Variants in SORCS3 observed in about 807,000 individuals in gnomAD.
The protein encoded by SORCS3 is sortilin related VPS10 domain containing receptor 3.
In SORCS3, 57 loss-of-function variants were observed where a neutral mutation model predicts 146.3. The ratio of observed to expected loss-of-function variants is 0.39; its 90% CI spans 0.31 to 0.49. SORCS3 has a LOEUF of 0.49. Among genes scored for constraint, SORCS3 ranks in the 20% least tolerant of loss-of-function variants. SORCS3 has a pLI of 0.92. For synonymous variants in SORCS3, 653 were observed against 618.5 expected, an observed-to-expected ratio of 1.06 and a Z score of -0.83; for missense variants, 1,341 against 1,575.5, an observed-to-expected ratio of 0.85 and a Z score of 2.52.
chr10:104,921,180 A>G (rs2019083016), intron 3 of SORCS3, among the ~76,000 whole-genome samples: 1 of 152,198 alleles, frequency 6.6e-6, no homozygotes. Flanking sequence ...CATTACTGTC[A>G]GTTGTTTCTT....
intron 1 of SORCS3, among the ~76,000 whole-genome samples, chr10:104,824,405 G>A (rs2017912365): frequency 6.6e-6 from 1 of 152,212 alleles, no homozygotes; most frequent in South Asian, 2.1e-4. Context: ...CACTGAAAGT[G>A]CCTTAGGTCA....
rs373563754 is a variant in SORCS3 at position 104,914,184 on chromosome 10, A to G, written c.696-1649A>G. ...AAACAGAGATTTTGCTACACCCAAAATTCATGTTCTTTCCTCTTATGAAGG... is the reference window on the plus strand; with the variant it reads ...AAACAGAGATTTTGCTACACCCAAAGTTCATGTTCTTTCCTCTTATGAAGG... On this transcript the variant is annotated intron_variant, in intron 2 of 26. Transcript: ENST00000369701. 5.3e-5 allele frequency among the ~76,000 whole-genome samples: 8 copies of G among 152,290 alleles called. No individual in the cohort carries two copies. In the East Asian group the frequency reaches 1.4e-3, roughly 26 times the overall value.
intron 7 of SORCS3, among the ~76,000 whole-genome samples, chr10:105,107,031 T>C (rs1030369039): frequency 6.6e-6 from 1 of 152,164 alleles, no homozygotes; most frequent in African/African-American, 2.4e-5. Context: ...CAGTGAGCTG[T>C]GACCTCATGT....
At chr10:105,259,254 C>A (rs1190721210) in intron 25 of SORCS3, among the ~76,000 whole-genome samples, 2 of 152,202 alleles carry the variant, frequency 1.3e-5, no homozygotes, top group East Asian at 3.8e-4. Flanking sequence ...AACAGCAACA[C>A]CTGGCCATTA....
At chr10:104,741,134 ATTTTT>A (rs34447542) in intron 1 of SORCS3, among the ~76,000 whole-genome samples, 7 of 104,900 alleles carry the variant, frequency 6.7e-5, no homozygotes, top group Admixed American at 1.1e-4. Context: ...GATAATTTAA[ATTTTT>A]TTTTTTTTTT....
chr10:104,749,526 T>C (rs973893252), intron 1 of SORCS3, among the ~76,000 whole-genome samples: 10 of 152,208 alleles, frequency 6.6e-5, no homozygotes, highest in Admixed American at 6.5e-4. Flanking sequence ...GTTTAGTGCG[T>C]TCTTATTGTA....
rs1431014806 is a variant in SORCS3, at chr10:105,217,226, A to ACTAC, written c.2734+105_2734+108dup. ...AGCTGAGCCCAGGTTCAGTGTGACTACTACAATTACCCAAACCAAATGGTG... is the reference window on the plus strand; with the variant it reads ...AGCTGAGCCCAGGTTCAGTGTGACTACTACCTACAATTACCCAAACCAAATGGTG... On this transcript the variant is annotated intron_variant, in intron 19 of 26. Transcript: ENST00000369701. 3 of 1,120,684 alleles carry ACTAC rather than the reference A, an allele frequency of 2.7e-6. No individual in the cohort carries two copies. The Admixed American group carries it at 5.8e-5, about 22-fold the overall frequency. 69.4% of individuals were successfully genotyped at this position (1,120,684 alleles called of 1,614,324 possible).
chr10:104,930,483 C>T (rs1739580996), intron 3 of SORCS3, among the ~76,000 whole-genome samples: 1 of 152,164 alleles, frequency 6.6e-6, no homozygotes, highest in Admixed American at 6.5e-5. Flanking sequence ...TCCAGCAATG[C>T]CATGGCTCCA....
intron 4 of SORCS3, among the ~76,000 whole-genome samples, chr10:104,991,580 C>A (rs766687312): frequency 4.0e-5 from 6 of 151,056 alleles, no homozygotes; most frequent in Non-Finnish European, 8.8e-5. Flanking sequence ...TGGCTCACTG[C>A]AACCTCTGCC....
chr10:104,840,258 G>GAGAT (rs1292717246), intron 1 of SORCS3, among the ~76,000 whole-genome samples: 44 of 152,346 alleles, frequency 2.9e-4, no homozygotes, highest in African/African-American at 1.0e-3. Context: ...TTTATCTGCA[G>GAGAT]AACGCCTGCG....
chr10:105,133,085 A>C (rs2056033184), intron 7 of SORCS3, among the ~76,000 whole-genome samples: 1 of 152,208 alleles, frequency 6.6e-6, no homozygotes, highest in Non-Finnish European at 1.5e-5. Context: ...CAAATGCATC[A>C]GCCTGCTTTT....
At chr10:105,019,369 A>G (rs1200863198) in intron 4 of SORCS3, among the ~76,000 whole-genome samples, 1 of 152,202 alleles carries the variant, frequency 6.6e-6, no homozygotes, top group Non-Finnish European at 1.5e-5. Flanking sequence ...TCAGGTTGGC[A>G]TTTGAGTCTT....
chr10:104,732,129 T>C (rs1362154828), intron 1 of SORCS3, among the ~76,000 whole-genome samples: 2 of 152,230 alleles, frequency 1.3e-5, no homozygotes, highest in African/African-American at 4.8e-5. Context: ...CAGAACATCA[T>C]CTTATATTAC....
At chr10:104,902,837 G>C (rs547311199) in intron 2 of SORCS3, among the ~76,000 whole-genome samples, 47 of 152,320 alleles carry the variant, frequency 3.1e-4, no homozygotes, top group African/African-American at 1.1e-3. Context: ...GGCCTGGAAA[G>C]GTTAGGCAGT....
In SORCS3 at chr10:104,807,202, T is replaced by C. The variant is rs556676169; in HGVS notation, c.628-35590T>C. Reference sequence around the variant, plus strand: ...TGCTCTCTGTGTGTGTGTGCGCATGTGTGTGTGTGCGTGTGTGTGCATGCA... The same window carrying C: ...TGCTCTCTGTGTGTGTGTGCGCATGCGTGTGTGTGCGTGTGTGTGCATGCA... On this transcript the variant is annotated intron_variant, in intron 1 of 26. Coordinates refer to ENST00000369701, the MANE Select transcript of SORCS3 (RefSeq NM_014978.3). Among the ~76,000 whole-genome samples, 22 of 151,950 alleles carry C rather than the reference T, an allele frequency of 1.4e-4. No homozygotes were observed. The East Asian group carries it at 4.2e-3, about 29-fold the overall frequency.
intron 2 of SORCS3, among the ~76,000 whole-genome samples, chr10:104,896,174 C>T (rs1055150485): frequency 1.2e-4 from 19 of 152,286 alleles, no homozygotes; most frequent in African/African-American, 3.9e-4. Context: ...ATGGGCCTGG[C>T]CAGATTGCAC....
chr10:105,230,900 C>T (rs778233947), intron 20 of SORCS3, among the ~76,000 whole-genome samples: 2 of 152,084 alleles, frequency 1.3e-5, no homozygotes, highest in African/African-American at 2.4e-5. Context: ...CTCTCTGGAG[C>T]ACGGATATTG....
At chr10:104,774,708 A>G (rs767980090) in intron 1 of SORCS3, among the ~76,000 whole-genome samples, 1 of 152,144 alleles carries the variant, frequency 6.6e-6, no homozygotes, top group South Asian at 2.1e-4. Flanking sequence ...TGAAAAGAAA[A>G]AGGGGTCATG....
At chr10:104,956,585 G>A (rs1450933545) in intron 3 of SORCS3, among the ~76,000 whole-genome samples, 2 of 151,966 alleles carry the variant, frequency 1.3e-5, no homozygotes, top group Non-Finnish European at 2.9e-5. Context: ...CCATGGTGGT[G>A]GTGGTGGAAG....
Sources: gnomAD v4.1 joint callset for allele counts (sites outside exome capture counted in the v4.1 genomes callset) on GRCh38, gnomAD v4.1.1 for gene constraint, MANE v1.5 for transcripts, NCBI Gene and HGNC (gene_info 2026-07-23, HGNC 2026-07-21) for gene names.